ROBO2: variants seen among roughly 807,000 people sequenced by gnomAD.
ROBO2 encodes roundabout guidance receptor 2.
Under a neutral mutation model 160.8 loss-of-function variants are expected in ROBO2, and 53 were observed. The ratio of observed to expected loss-of-function variants is 0.33; its 90% confidence interval spans 0.26 to 0.41. The LOEUF (loss-of-function observed/expected upper bound fraction) is 0.41, where lower values mean the gene tolerates loss of function less well. ROBO2 is among the 10% of genes least tolerant of loss of function. The pLI, the probability that ROBO2 is intolerant of heterozygous loss-of-function variation, is 1.00. For missense variants in ROBO2, 1,577 were observed against 1,722.4 expected, an observed-to-expected ratio of 0.92 and a Z score of 1.49; for synonymous variants, 664 against 611.7, an observed-to-expected ratio of 1.09 and a Z score of -1.26.
At chr3:75,939,556 A>G (rs796087864) in intron 2 of ROBO2, among the ~76,000 whole-genome samples, 3 of 152,152 alleles carry the variant, frequency 2.0e-5, no homozygotes, top group Non-Finnish European at 1.5e-5. Flanking sequence ...AAAATAGACA[A>G]TGATTCAAAG....
intron 2 of ROBO2, among the ~76,000 whole-genome samples, chr3:76,312,822 G>A (rs149104999): frequency 1.1e-4 from 17 of 152,300 alleles, no homozygotes; most frequent in East Asian, 7.7e-4. Context: ...CTAGCTACCC[G>A]TGAGAAAGAT....
intron 2 of ROBO2, among the ~76,000 whole-genome samples, chr3:76,908,521 C>T (rs965551566): frequency 6.6e-6 from 1 of 152,168 alleles, no homozygotes; most frequent in African/African-American, 2.4e-5. Flanking sequence ...CACAGCCCTA[C>T]CAAGTTTGTC....
intron 2 of ROBO2, among the ~76,000 whole-genome samples, chr3:76,786,298 C>T (rs956087664): frequency 2.0e-5 from 3 of 151,128 alleles, no homozygotes; most frequent in East Asian, 2.0e-4. Flanking sequence ...AGTCCATTAT[C>T]GCACCACTAT....
chr3:77,372,464 G>A (rs1260692390), intron 2 of ROBO2, among the ~76,000 whole-genome samples: 1 of 151,974 alleles, frequency 6.6e-6, no homozygotes, highest in Non-Finnish European at 1.5e-5. Flanking sequence ...TAAATGATGA[G>A]GTCCCATACT....
At chr3:76,172,450 A>G (rs1445467675) in intron 2 of ROBO2, among the ~76,000 whole-genome samples, 1 of 151,704 alleles carries the variant, frequency 6.6e-6, no homozygotes, top group South Asian at 2.1e-4. Context: ...AAAAAAAAAA[A>G]AAAAGAAAAC....
chr3:77,194,145 T>C (rs180839153), intron 2 of ROBO2, among the ~76,000 whole-genome samples: 1 of 152,330 alleles, frequency 6.6e-6, no homozygotes, highest in East Asian at 1.9e-4. Flanking sequence ...CAGAAACATT[T>C]GTATAATAAG....
At chr3:77,123,435 G>GA in intron 2 of ROBO2, among the ~76,000 whole-genome samples, 1 of 152,178 alleles carries the variant, frequency 6.6e-6, no homozygotes, top group East Asian at 1.9e-4. Context: ...TGAGGAGTTA[G>GA]AAAATAATTG....
At chr3:77,477,609 T>A in intron 3 of ROBO2, 38 bp downstream of exon 3, 1,537 of 1,232,026 alleles carry the variant, frequency 1.2e-3, no homozygotes, top group Non-Finnish European at 1.7e-3. Flanking sequence ...AGAGATTGAA[T>A]TTTCAGTCTC....
intron 2 of ROBO2, among the ~76,000 whole-genome samples, chr3:77,475,374 T>C (rs567888350): frequency 6.6e-6 from 1 of 152,306 alleles, no homozygotes; most frequent in Non-Finnish European, 1.5e-5. Flanking sequence ...CCAGTCCTTA[T>C]AGTTTGTTAT....
At chr3:77,105,183 AAG>A (rs1342211495) in intron 2 of ROBO2, among the ~76,000 whole-genome samples, 1 of 152,230 alleles carries the variant, frequency 6.6e-6, no homozygotes, top group African/African-American at 2.4e-5. Context: ...AAGTAAGTCT[AAG>A]AGTGGGAAAA....
chr3:76,622,261 A>AGAAAGAAAGAAAGAAAGAAAGAAAGAAG (rs2089239559), intron 2 of ROBO2, among the ~76,000 whole-genome samples: 1 of 64,988 alleles, frequency 1.5e-5, no homozygotes, highest in East Asian at 5.6e-4. Flanking sequence ...AAAGAAAGAA[A>AGAAAGAAAGAAAGAAAGAAAGAAAGAAG]GAAAGAAAGA....
chr3:76,815,197 G>T (rs1240610405), intron 2 of ROBO2, among the ~76,000 whole-genome samples: 1 of 151,952 alleles, frequency 6.6e-6, no homozygotes, highest in Middle Eastern at 3.2e-3. Flanking sequence ...AAAGGATCTA[G>T]CTGGAATTCT....
In ROBO2 at chr3:77,040,852, T is replaced by G; in HGVS notation, c.61+6T>G. The G allele has an allele frequency of 1.9e-6, 3 of 1,614,178 alleles. No individual in the cohort carries two copies. Among genetic ancestry groups the G allele is most frequent in the Non-Finnish European group, 2.5e-6 (3 of 1,180,028 alleles). ...TTTATATGTTCGGGTTGATGGTAAG[T>G]TAAAAATGCTTTCATCTTTTTTTGC... On this transcript the variant is annotated splice_donor_region_variant and intron_variant, in intron 1 of 25. Coordinates refer to ENST00000461745, the Ensembl canonical transcript of ROBO2.
rs185341532 is a variant in ROBO2 at position 77,444,860 on chromosome 3, C to T, written c.389-32554C>T. ...AGTGTCTCCAGTTAGGAGTTGTCAGCAGACATGCAGAATTGTCACCTATGT... is the reference window on the plus strand; with the variant it reads ...AGTGTCTCCAGTTAGGAGTTGTCAGTAGACATGCAGAATTGTCACCTATGT... On this transcript the variant is annotated intron_variant, in intron 2 of 25. Coordinates refer to ENST00000461745, the Ensembl canonical transcript of ROBO2. Among the ~76,000 whole-genome samples the T allele has an allele frequency of 4.8e-4, 73 of 152,272 alleles. 1 individual carries two copies. The highest frequency in any genetic ancestry group is 1.3e-3 in the African/African-American group (53 of 41,566).
intron 2 of ROBO2, among the ~76,000 whole-genome samples, chr3:76,892,292 G>T (rs1023442343): frequency 6.7e-6 from 1 of 150,336 alleles, no homozygotes; most frequent in African/African-American, 2.5e-5. Flanking sequence ...AGTATTTATG[G>T]CTCTGTCTTA....
At chr3:76,919,170 A>G (rs1577478835) in intron 2 of ROBO2, among the ~76,000 whole-genome samples, 2 of 152,290 alleles carry the variant, frequency 1.3e-5, no homozygotes, top group South Asian at 4.1e-4. Context: ...CACATTCTGC[A>G]CATGTACCCC....
upstream of ROBO2, among the ~76,000 whole-genome samples, chr3:77,037,200 A>G (rs1354241486): frequency 2.6e-5 from 4 of 152,170 alleles, no homozygotes; most frequent in Non-Finnish European, 5.9e-5. Flanking sequence ...ATTGTTATAA[A>G]ATAATGGTTT....
At chr3:76,523,770 C>T (rs937886363) in intron 2 of ROBO2, among the ~76,000 whole-genome samples, 3 of 152,108 alleles carry the variant, frequency 2.0e-5, no homozygotes, top group South Asian at 2.1e-4. Flanking sequence ...CCGTGAGAAA[C>T]GCTGGCAATG....
In ROBO2 at chr3:76,592,855, C is replaced by G. The variant is rs978987304; in HGVS notation, c.110-505159C>G. Among the ~76,000 whole-genome samples the G allele has an allele frequency of 5.3e-5, 8 of 152,144 alleles. No homozygotes were observed. The East Asian group carries it at 5.8e-4, about 11-fold the overall frequency. ...CTGTGGTTCTAGGACTGAAATCGTACTATCTTCATGGTCCTCAGCCAAGAC... is the reference window on the plus strand; with the variant it reads ...CTGTGGTTCTAGGACTGAAATCGTAGTATCTTCATGGTCCTCAGCCAAGAC... On this transcript the variant is annotated intron_variant, in intron 2 of 26. Transcript: ENST00000487694.
Sources: allele counts gnomAD v4.1 joint callset (sites outside exome capture counted in the v4.1 genomes callset), GRCh38; gene constraint gnomAD v4.1.1; transcripts MANE v1.5; gene names NCBI Gene and HGNC (gene_info 2026-07-23, HGNC 2026-07-21).